Variants in TYW1B observed in about 807,000 individuals in gnomAD.
The protein encoded by TYW1B is tRNA-yW synthesizing protein 1 homolog B.
In TYW1B, 73 loss-of-function variants were observed where a neutral mutation model predicts 86.9. The ratio of observed to expected loss-of-function variants is 0.84; its 90% CI spans 0.70 to 1.02. The LOEUF (loss-of-function observed/expected upper bound fraction) is 1.02, where lower values mean the gene tolerates loss of function less well. Ranked by LOEUF, TYW1B falls within the 50% of genes least tolerant of loss-of-function variation. TYW1B has a pLI of 0.00. For missense variants in TYW1B, 637 were observed against 827.4 expected (o/e 0.77, Z 2.82); for synonymous variants, 248 against 292.8 (o/e 0.85, Z 1.56).
At chr7:72,630,413 A>C (rs1812452931) in intron 11 of TYW1B, among the ~76,000 whole-genome samples, 1 of 152,112 alleles carries the variant, frequency 6.6e-6, no homozygotes, top group African/African-American at 2.4e-5. Context: ...TTCTAGGTAC[A>C]TGATTACATG....
intron 11 of TYW1B, among the ~76,000 whole-genome samples, chr7:72,686,821 A>T (rs1415123088): frequency 8.5e-5 from 13 of 152,066 alleles, no homozygotes; most frequent in African/African-American, 3.1e-4. Flanking sequence ...GGATATGGAA[A>T]ATCTCTGAAC....
intron 10 of TYW1B, among the ~76,000 whole-genome samples, chr7:72,709,618 A>G (rs1554454326): frequency 6.6e-6 from 1 of 152,146 alleles, no homozygotes; most frequent in Admixed American, 6.5e-5. Context: ...TAGTGAGCCG[A>G]GATGGCGCCA....
At chr7:72,680,139 CTGAG>C (rs1266770674) in intron 11 of TYW1B, among the ~76,000 whole-genome samples, 1 of 152,190 alleles carries the variant, frequency 6.6e-6, no homozygotes, top group Admixed American at 6.5e-5. Context: ...ATGGTTAACA[CTGAG>C]TGTCAACTTG....
At chr7:72,738,533 T>C (rs1245799401) in intron 8 of TYW1B, among the ~76,000 whole-genome samples, 1 of 152,156 alleles carries the variant, frequency 6.6e-6, no homozygotes, top group African/African-American at 2.4e-5. Flanking sequence ...GTCCTATGCA[T>C]TAGGGAATGC....
At chr7:72,598,757 C>A (rs1489349793) in intron 13 of TYW1B, among the ~76,000 whole-genome samples, 1 of 152,040 alleles carries the variant, frequency 6.6e-6, no homozygotes. Flanking sequence ...CTTGTGACTG[C>A]GTCAAGTGGG....
intron 7 of TYW1B, among the ~76,000 whole-genome samples, chr7:72,760,952 G>A (rs189901697): frequency 1.3e-5 from 2 of 152,258 alleles, no homozygotes; most frequent in East Asian, 3.9e-4. Context: ...TGAATTATTG[G>A]ACACCGGATA....
chr7:72,800,421 A>G (rs1174011701), intron 6 of TYW1B, among the ~76,000 whole-genome samples: 3 of 151,772 alleles, frequency 2.0e-5, no homozygotes, highest in Admixed American at 6.6e-5. Context: ...CTGGTCCCAA[A>G]CTTCTGGCCT....
intron 3 of TYW1B, among the ~76,000 whole-genome samples, chr7:72,813,255 G>C (rs1156229010): frequency 6.9e-6 from 1 of 145,716 alleles, no homozygotes; most frequent in African/African-American, 2.6e-5. Flanking sequence ...GGCTCACTGC[G>C]ACCTCCACCT....
chr7:72,644,351 C>T (rs1484307859), intron 11 of TYW1B, among the ~76,000 whole-genome samples: 1 of 147,860 alleles, frequency 6.8e-6, no homozygotes, highest in African/African-American at 2.5e-5. Context: ...AGTTCGAGAC[C>T]AGCCTGGCCA....
intron 10 of TYW1B, among the ~76,000 whole-genome samples, chr7:72,713,136 TAAA>T (rs11335165): frequency 7.1e-6 from 1 of 141,496 alleles, no homozygotes. Context: ...CCATCTCTAT[TAAA>T]AAAAAAAAAA....
At chr7:72,642,874 CTGGGGA>C (rs1812835887) in intron 11 of TYW1B, among the ~76,000 whole-genome samples, 1 of 152,160 alleles carries the variant, frequency 6.6e-6, no homozygotes, top group Non-Finnish European at 1.5e-5. Context: ...GCACTCCAGC[CTGGGGA>C]ATAGAGCGAG....
chr7:72,610,513 G>A (rs1227619836), intron 13 of TYW1B, among the ~76,000 whole-genome samples: 1 of 151,850 alleles, frequency 6.6e-6, no homozygotes, highest in African/African-American at 2.4e-5. Context: ...ACTTTGCCAG[G>A]TCTACCACTC....
chr7:72,665,646 G>T (rs557145197), intron 11 of TYW1B, among the ~76,000 whole-genome samples: 2 of 152,124 alleles, frequency 1.3e-5, no homozygotes, highest in African/African-American at 4.8e-5. Flanking sequence ...TTACCAAGTG[G>T]TTGCGCTTTG....
intron 5 of TYW1B, among the ~76,000 whole-genome samples, chr7:72,804,304 A>G (rs1174607282): frequency 1.3e-5 from 2 of 151,892 alleles, no homozygotes; most frequent in South Asian, 2.1e-4. Flanking sequence ...AAAAAAGAAA[A>G]AAATTAAATT....
chr7:72,618,978 G>A (rs1297332996), intron 12 of TYW1B, among the ~76,000 whole-genome samples: 3 of 152,110 alleles, frequency 2.0e-5, no homozygotes, highest in South Asian at 2.1e-4. Context: ...GTCACAGCCC[G>A]AATTTCCACC....
At chr7:72,698,314 T>C (rs1426804680) in intron 10 of TYW1B, among the ~76,000 whole-genome samples, 3 of 151,944 alleles carry the variant, frequency 2.0e-5, no homozygotes, top group Non-Finnish European at 4.4e-5. Flanking sequence ...GAAGCTGAGG[T>C]TCAAAAGGTT....
intron 7 of TYW1B, among the ~76,000 whole-genome samples, chr7:72,765,084 T>C (rs576427813): frequency 6.6e-6 from 1 of 152,306 alleles, no homozygotes; most frequent in East Asian, 1.9e-4. Context: ...AGGCTTTGGC[T>C]GAAATGTCTT....
chr7:72,713,577 A>C, intron 10 of TYW1B, 44 bp downstream of exon 10: 1 of 1,521,072 alleles, frequency 6.6e-7, no homozygotes, highest in Non-Finnish European at 8.8e-7. Flanking sequence ...TTTGCAGTGA[A>C]ACATAGATTC....
chr7:72,636,059 C>A (rs1554440714), intron 11 of TYW1B, among the ~76,000 whole-genome samples: 1 of 152,090 alleles, frequency 6.6e-6, no homozygotes, highest in African/African-American at 2.4e-5. Flanking sequence ...CTTTTACAAC[C>A]CTGAATCTGC....
Sources: gnomAD v4.1 joint callset for allele counts (sites outside exome capture counted in the v4.1 genomes callset) on GRCh38, gnomAD v4.1.1 for gene constraint, MANE v1.5 for transcripts, NCBI Gene and HGNC (gene_info 2026-07-23, HGNC 2026-07-21) for gene names.